Variants in ITSN2 observed in about 807,000 individuals in gnomAD.
ITSN2 encodes intersectin-2.
ITSN2 carries 156 observed loss-of-function variants against 243.7 expected under a neutral mutation model. The observed-to-expected ratio is 0.64, with a 90% CI of 0.56 to 0.73. The LOEUF is 0.73. Among genes scored for constraint, ITSN2 ranks in the 30% least tolerant of loss-of-function variants. ITSN2 has a pLI of 0.00. For synonymous variants in ITSN2, 703 were observed against 699.9 expected, an observed-to-expected ratio of 1.00 and a Z score of -0.07; for missense variants, 1,801 against 1,996.1, an observed-to-expected ratio of 0.90 and a Z score of 1.86.
rs531847230 is a variant in ITSN2 at position 24,287,344 on chromosome 2, C to T, written c.1724-993G>A. ...ATGGGTAGATGTTGGTCTGAACCCA[C>T]TGATCAACATCTACCCATTTTCCCC... is the stretch of plus-strand genomic sequence containing the variant. On this transcript the variant is annotated intron_variant, in intron 15 of 39. Transcript: ENST00000355123. Among the ~76,000 whole-genome samples the T allele has an allele frequency of 7.2e-5, 11 of 152,206 alleles. No homozygotes were observed. The South Asian group carries it at 2.3e-3, about 31-fold the overall frequency.
At position 24,215,665 on chromosome 2, in the gene ITSN2, TAA is replaced by T. The variant is rs59939223; in HGVS notation, c.3990+382_3990+383del. On this transcript the variant is annotated intron_variant, in intron 32 of 39. Coordinates refer to ENST00000355123, the MANE Select transcript of ITSN2 (RefSeq NM_006277.3). ...CTGGGCAACAGAGCAAGATTCTGTTTAAAAAAAAAAAAAAAAAAAAGAGTAAG... is the reference window on the plus strand; with the variant it reads ...CTGGGCAACAGAGCAAGATTCTGTTTAAAAAAAAAAAAAAAAAAGAGTAAG... Among the ~76,000 whole-genome samples the T allele has an allele frequency of 3.4e-3, 432 of 128,572 alleles. 1 individual carries two copies. Among genetic ancestry groups the T allele is most frequent in the African/African-American group, 7.9e-3 (273 of 34,482 alleles). The allele number at this position is 128,572 out of a possible 152,430, so 84.3% of individuals were successfully genotyped here. A position where few individuals can be genotyped will look rare whatever the true frequency, so the allele number is the denominator to read the frequency against.
chr2:24,334,507 C>G, intron 1 of ITSN2: 1 of 735,980 alleles, frequency 1.4e-6, no homozygotes, highest in Non-Finnish European at 2.4e-6. Flanking sequence ...AGCGCTCATG[C>G]AAACATGGTG....
intron 37 of ITSN2, chr2:24,206,297 G>A (rs1283311797): frequency 2.3e-6 from 1 of 427,394 alleles, no homozygotes; most frequent in Non-Finnish European, 4.7e-6. Context: ...AACACATAAA[G>A]AGCTGCAACT....
At chr2:24,328,157 G>A (rs911733239) in intron 1 of ITSN2, 42 bp from the exon 2 acceptor site, 38 of 1,452,374 alleles carry the variant, frequency 2.6e-5, no homozygotes, top group Non-Finnish European at 3.6e-5. Context: ...TACAACAAGG[G>A]CAAATCACAG....
At position 24,315,210 on chromosome 2, in the gene ITSN2, A is replaced by G. The variant is rs1558614287; in HGVS notation, c.46T>C (p.Trp16Arg). The change falls in exon 3 of 40, where the codon TGG becomes CGG. Residue 16 changes from tryptophan (W) to arginine (R), a missense_variant. By Grantham distance (101) the Trp-to-Arg change is moderately radical. Transcript: ENST00000355123. ...PTAMNGGPNM[W>R]AITSEERTKH... ...GTACGTTCTTCAGAGGTAATAGCCC[A>G]CATGTTTGGCCCTCCTGAAACATAA... 1 of 1,610,592 alleles carries G rather than the reference A, an allele frequency of 6.2e-7. No homozygotes were observed. The highest frequency in any genetic ancestry group is 8.5e-7 in the Non-Finnish European group (1 of 1,177,362).
chr2:24,341,517 A>C (rs1687044925), intron 1 of ITSN2, among the ~76,000 whole-genome samples: 1 of 152,204 alleles, frequency 6.6e-6, no homozygotes, highest in African/African-American at 2.4e-5. Context: ...ATCTGGAGTG[A>C]GTGTAGTTCT....
intron 29 of ITSN2, among the ~76,000 whole-genome samples, chr2:24,223,258 T>A (rs1186153032): frequency 6.6e-6 from 1 of 152,250 alleles, no homozygotes; most frequent in Non-Finnish European, 1.5e-5. Flanking sequence ...ACATTTTGTA[T>A]AGATCTGGGC....
intron 24 of ITSN2, 104 bp from the exon 25 acceptor site, chr2:24,252,615 A>T: frequency 1.5e-6 from 1 of 686,522 alleles, no homozygotes; most frequent in Non-Finnish European, 2.2e-6. Context: ...TTGCTGTAAA[A>T]GACCTTGTGC....
At chr2:24,230,506 G>A (rs538467559) in intron 29 of ITSN2, among the ~76,000 whole-genome samples, 7 of 152,286 alleles carry the variant, frequency 4.6e-5, no homozygotes, top group Admixed American at 1.3e-4. Flanking sequence ...GGTGGCTCAC[G>A]CCTGTAATCC....
intron 29 of ITSN2, chr2:24,239,862 A>G (rs748246982): frequency 2.1e-4 from 32 of 152,214 alleles, no homozygotes; most frequent in Middle Eastern, 6.8e-3. Context: ...ATACCTACAC[A>G]AAGAGTGGTA....
At chr2:24,227,247 T>A (rs928863357) in intron 29 of ITSN2, among the ~76,000 whole-genome samples, 1 of 145,866 alleles carries the variant, frequency 6.9e-6, no homozygotes, top group Non-Finnish European at 1.5e-5. Flanking sequence ...CTCCATGAGA[T>A]TCCACAGAAA....
intron 23 of ITSN2, among the ~76,000 whole-genome samples, chr2:24,255,910 G>T (rs555913518): frequency 6.6e-6 from 1 of 152,084 alleles, no homozygotes; most frequent in African/African-American, 2.4e-5. Context: ...AAATTTAGCC[G>T]GGCATGGTTG....
chr2:24,223,629 T>C (rs1433636009), intron 29 of ITSN2, among the ~76,000 whole-genome samples: 4 of 143,982 alleles, frequency 2.8e-5, no homozygotes, highest in Non-Finnish European at 6.0e-5. Flanking sequence ...AAGTTTGCAG[T>C]GAGCTGTGAC....
At position 24,204,279 on chromosome 2, in the gene ITSN2, G is replaced by A. The variant is rs975962447; in HGVS notation, c.4902C>T (p.Leu1634=). 1 of 1,614,156 alleles carries A rather than the reference G, an allele frequency of 6.2e-7. No homozygotes were observed. The highest frequency in any genetic ancestry group is 1.3e-5 in the African/African-American group (1 of 75,046). Residue 1634 remains leucine, a synonymous_variant, in exon 39 of 40, where the codon CTC becomes CTT. Coordinates refer to ENST00000355123, the MANE Select transcript of ITSN2 (RefSeq NM_006277.3). This position sits in a 1 kb window ranked among gnomAD's most constrained non-coding sequence, Gnocchi z 5.1. ...AAAACTGGTCTCTGTCAAACAGGGT[G>A]AGACACAGCACGTCTTGGTAGAGAT... The part of the protein sequence containing the change: ...IKDLYQDVLC[L]TLFDRDQFSP...
intron 1 of ITSN2, among the ~76,000 whole-genome samples, chr2:24,339,112 G>A (rs1260809099): frequency 6.6e-6 from 1 of 152,122 alleles, no homozygotes; most frequent in South Asian, 2.1e-4. Flanking sequence ...AAGAGCCAGT[G>A]TAACACCAAA....
chr2:24,354,721 T>C (rs138883906), intron 1 of ITSN2, among the ~76,000 whole-genome samples: 345 of 152,330 alleles, frequency 2.3e-3, no homozygotes, highest in Non-Finnish European at 4.1e-3. Context: ...ATGGTTATGA[T>C]GAAAATAAAT....
chr2:24,351,553 G>A (rs1383107890), intron 1 of ITSN2, among the ~76,000 whole-genome samples: 1 of 152,168 alleles, frequency 6.6e-6, no homozygotes, highest in East Asian at 1.9e-4. Flanking sequence ...TTCACTTTCT[G>A]AAGTTTCAGT....
chr2:24,210,735 C>A, intron 34 of ITSN2, 45 bp downstream of exon 34: 1 of 1,582,684 alleles, frequency 6.3e-7, no homozygotes, highest in South Asian at 1.1e-5. Flanking sequence ...GGTTCCCCAC[C>A]CAGAGCCTCC....
At chr2:24,275,424 T>C (rs1359328519) in intron 18 of ITSN2, among the ~76,000 whole-genome samples, 1 of 145,004 alleles carries the variant, frequency 6.9e-6, no homozygotes, top group East Asian at 2.0e-4. Flanking sequence ...TCAGATGGAG[T>C]AACTGAGGTT....
Sources: gnomAD v4.1 joint callset for allele counts (sites outside exome capture counted in the v4.1 genomes callset) on GRCh38, gnomAD v4.1.1 for gene constraint, Gnocchi (gnomAD v3.1) non-coding constraint, MANE v1.5 for transcripts, NCBI Gene and HGNC (gene_info 2026-07-23, HGNC 2026-07-21) for gene names.